The following FARP1 variants were observed in gnomAD, a reference collection of about 807,000 sequenced individuals.
FARP1 encodes the protein FERM, ARH/RhoGEF and pleckstrin domain protein 1.
Under a neutral mutation model 128.8 loss-of-function variants are expected in FARP1, and 52 were observed. The ratio of observed to expected loss-of-function variants is 0.40; its 90% CI spans 0.32 to 0.51. FARP1 has a LOEUF of 0.51. Ranked by LOEUF, FARP1 falls within the 20% of genes least tolerant of loss-of-function variation. The pLI, the probability that FARP1 is intolerant of heterozygous loss-of-function variation, is 0.45. For synonymous variants in FARP1, 580 were observed against 551.8 expected (o/e 1.05, Z -0.72); for missense variants, 1,333 against 1,367.9 (o/e 0.97, Z 0.40).
At chr13:98,414,227 G>A (rs527409513) in intron 16 of FARP1, among the ~76,000 whole-genome samples, 1 of 152,276 alleles carries the variant, frequency 6.6e-6, no homozygotes, top group African/African-American at 2.4e-5. Context: ...GATCCATAAT[G>A]TAACCCATGT....
At chr13:98,306,574 G>A (rs180970009) in intron 2 of FARP1, among the ~76,000 whole-genome samples, 41 of 151,652 alleles carry the variant, frequency 2.7e-4, no homozygotes, top group African/African-American at 6.1e-4. Context: ...GAGTGCAGTC[G>A]TGCAATTGTG....
chr13:98,270,869 G>A (rs1884356411), intron 2 of FARP1, among the ~76,000 whole-genome samples: 1 of 151,998 alleles, frequency 6.6e-6, no homozygotes, highest in South Asian at 2.1e-4. Context: ...CAGAGATGGT[G>A]TGGTATACTG....
chr13:98,158,644 C>T (rs758992853), intron 1 of FARP1, among the ~76,000 whole-genome samples: 3 of 152,172 alleles, frequency 2.0e-5, no homozygotes, highest in Non-Finnish European at 4.4e-5. Flanking sequence ...CATAAAAAAA[C>T]CCTAAAGTGT....
At chr13:98,205,665 T>C (rs113864318) in intron 1 of FARP1, among the ~76,000 whole-genome samples, 3 of 152,322 alleles carry the variant, frequency 2.0e-5, no homozygotes, top group African/African-American at 7.2e-5. Flanking sequence ...AGTGCTGGGA[T>C]TACAGGTGTG....
chr13:98,246,389 A>G (rs61970176), intron 2 of FARP1, among the ~76,000 whole-genome samples: 60,602 of 151,378 alleles, frequency 0.4, 12,610 homozygotes, highest in South Asian at 0.54. Context: ...CACCGCGCCC[A>G]GCCCCGAGAT....
chr13:98,319,428 C>T (rs1332670763), intron 2 of FARP1, among the ~76,000 whole-genome samples: 5 of 152,114 alleles, frequency 3.3e-5, no homozygotes, highest in South Asian at 4.1e-4. Flanking sequence ...AGACCATCCT[C>T]GCTAACATGG....
At chr13:98,361,574 G>A (rs532545294) in intron 3 of FARP1, among the ~76,000 whole-genome samples, 4 of 152,286 alleles carry the variant, frequency 2.6e-5, no homozygotes, top group African/African-American at 7.2e-5. Context: ...CTCCCAGTGC[G>A]CTCTCTGGTT....
Position 98,440,179 on chromosome 13 carries a change from C to T in FARP1, c.2573C>T (p.Ala858Val), listed in dbSNP as rs1332658780. The change falls in exon 23 of 27, where the codon GCG becomes GTG. Residue 858 changes from alanine to valine, a missense_variant. Coordinates refer to ENST00000319562, the MANE Select transcript of FARP1 (RefSeq NM_005766.4). ...GACATCCAGATGGCCATTGACCTGG[C>T]GGAGAAGAGCAGCAGCCCCGCCCCT... ...VEDIQMAIDL[A>V]EKSSSPAPEF... The T allele has an allele frequency of 5.6e-6, 9 of 1,614,056 alleles. No homozygotes were observed. Among genetic ancestry groups the T allele is most frequent in the East Asian group, 4.5e-5 (2 of 44,858 alleles).
chr13:98,290,753 G>A (rs542097199), intron 2 of FARP1, among the ~76,000 whole-genome samples: 2 of 152,142 alleles, frequency 1.3e-5, no homozygotes, highest in Non-Finnish European at 2.9e-5. Context: ...CATTTTGACA[G>A]TAGAGCTGAC....
At chr13:98,158,742 G>C (rs1472033721) in intron 1 of FARP1, among the ~76,000 whole-genome samples, 1 of 152,180 alleles carries the variant, frequency 6.6e-6, no homozygotes, top group African/African-American at 2.4e-5. Flanking sequence ...ATTTAGCCAG[G>C]ACTGTAGGGG....
intron 16 of FARP1, among the ~76,000 whole-genome samples, chr13:98,414,413 A>G (rs938190053): frequency 1.3e-5 from 2 of 152,204 alleles, no homozygotes; most frequent in East Asian, 1.9e-4. Flanking sequence ...AAGCTAATCA[A>G]TTACTCAAGA....
At chr13:98,408,279 T>C (rs904125822) in intron 13 of FARP1, among the ~76,000 whole-genome samples, 1 of 151,472 alleles carries the variant, frequency 6.6e-6, no homozygotes, top group Non-Finnish European at 1.5e-5. Flanking sequence ...GAGTGTCCTA[T>C]ACATATCATC....
At chr13:98,429,468 A>G (rs1458616270) in intron 17 of FARP1, among the ~76,000 whole-genome samples, 1 of 152,240 alleles carries the variant, frequency 6.6e-6, no homozygotes, top group Non-Finnish European at 1.5e-5. Flanking sequence ...GCTGGAGACC[A>G]CACAGCCAGA....
At chr13:98,362,159 G>A (rs1457687733) in intron 3 of FARP1, among the ~76,000 whole-genome samples, 1 of 152,180 alleles carries the variant, frequency 6.6e-6, no homozygotes, top group Non-Finnish European at 1.5e-5. Flanking sequence ...AGCTACCCGG[G>A]AAGCTGAGGT....
chr13:98,145,473 T>C (rs926276204), intron 1 of FARP1, among the ~76,000 whole-genome samples: 4 of 152,208 alleles, frequency 2.6e-5, no homozygotes, highest in Non-Finnish European at 5.9e-5. Flanking sequence ...TTAAAATAAT[T>C]ATCCTGGACA....
chr13:98,184,868 C>G (rs544250514), intron 1 of FARP1, among the ~76,000 whole-genome samples: 2 of 152,292 alleles, frequency 1.3e-5, no homozygotes, highest in East Asian at 3.9e-4. Context: ...ATTTTATTGA[C>G]AAGATACTTT....
chr13:98,144,923 C>A (rs1427923158), intron 1 of FARP1, among the ~76,000 whole-genome samples: 1 of 152,166 alleles, frequency 6.6e-6, no homozygotes, highest in Non-Finnish European at 1.5e-5. Flanking sequence ...CAGTTTCTGA[C>A]AGTGTGCTTC....
chr13:98,254,960 G>A (rs990615202), intron 2 of FARP1, among the ~76,000 whole-genome samples: 15 of 150,738 alleles, frequency 1.0e-4, no homozygotes, highest in Admixed American at 9.9e-4. Context: ...TTTTTTTAAA[G>A]GTTATTTTGC....
intron 3 of FARP1, among the ~76,000 whole-genome samples, chr13:98,359,419 C>G (rs1888772825): frequency 6.6e-6 from 1 of 152,160 alleles, no homozygotes. Context: ...CTTATGAAAT[C>G]CACCTAAAAC....
Sources: gnomAD v4.1 joint callset for allele counts (sites outside exome capture counted in the v4.1 genomes callset) on GRCh38, gnomAD v4.1.1 for gene constraint, MANE v1.5 for transcripts, NCBI Gene and HGNC (gene_info 2026-07-23, HGNC 2026-07-21) for gene names.